The following NRG3 variants were observed in gnomAD, a reference collection of about 807,000 sequenced individuals.
NRG3 encodes the protein pro-neuregulin-3, membrane-bound isoform.
Under a neutral mutation model 66.9 loss-of-function variants are expected in NRG3, and 31 were observed. That is an observed-to-expected ratio of 0.46 (90% CI 0.35 to 0.63). The LOEUF is 0.63. NRG3 is among the 20% of genes least tolerant of loss of function. NRG3 has a pLI of 0.00. For missense variants in NRG3, 910 were observed against 878.9 expected (o/e 1.04, Z -0.45); for synonymous variants, 393 against 359.4 (o/e 1.09, Z -1.06).
chr10:82,156,843 A>T (rs2071225899), intron 1 of NRG3, among the ~76,000 whole-genome samples: 1 of 151,714 alleles, frequency 6.6e-6, no homozygotes, highest in Admixed American at 6.6e-5. Flanking sequence ...AAATAAGTTT[A>T]TGTTGAAAGT....
At chr10:82,866,432 A>C (rs372670600) in intron 4 of NRG3, among the ~76,000 whole-genome samples, 9 of 152,242 alleles carry the variant, frequency 5.9e-5, no homozygotes, top group African/African-American at 2.2e-4. Flanking sequence ...GTATTGTTGG[A>C]AGTGTTGAGA....
chr10:82,081,285 T>A (rs1259864467), intron 1 of NRG3, among the ~76,000 whole-genome samples: 1 of 152,202 alleles, frequency 6.6e-6, no homozygotes, highest in Non-Finnish European at 1.5e-5. Context: ...ATGATGGAAT[T>A]ATCTGTTGCA....
chr10:82,516,521 A>G (rs1322416354), intron 2 of NRG3, among the ~76,000 whole-genome samples: 1 of 152,140 alleles, frequency 6.6e-6, no homozygotes, highest in African/African-American at 2.4e-5. Context: ...ATGCATAATG[A>G]CCTTTTGGGT....
intron 2 of NRG3, among the ~76,000 whole-genome samples, chr10:82,729,506 C>T (rs1054236329): frequency 1.3e-5 from 2 of 152,120 alleles, no homozygotes; most frequent in Non-Finnish European, 2.9e-5. Flanking sequence ...TGATTCCTCC[C>T]ACATAGCTGC....
At chr10:82,489,082 T>C (rs1023282952) in intron 2 of NRG3, among the ~76,000 whole-genome samples, 2 of 152,164 alleles carry the variant, frequency 1.3e-5, no homozygotes, top group African/African-American at 2.4e-5. Flanking sequence ...CATATGAGAC[T>C]AGTATTGTAA....
chr10:82,919,604 AAC>A (rs1284898671), intron 4 of NRG3, among the ~76,000 whole-genome samples: 1 of 152,176 alleles, frequency 6.6e-6, no homozygotes, highest in Non-Finnish European at 1.5e-5. Flanking sequence ...CCTAGGAAAA[AAC>A]AGTGTCTGGA....
chr10:82,113,788 A>AT, intron 1 of NRG3, among the ~76,000 whole-genome samples: 1 of 152,304 alleles, frequency 6.6e-6, no homozygotes, highest in East Asian at 1.9e-4. Context: ...ACTCTGCAGT[A>AT]TATTTGCAAC....
At position 82,686,446 on chromosome 10, in the gene NRG3, C is replaced by A. The variant is rs181603955; in HGVS notation, c.954-52131C>A. ...CAGGTGATCCACCCACCTCAGCCCC[C>A]CAAAGTGCTGGGATTATAGGCACGA... On this transcript the variant is annotated intron_variant, in intron 2 of 8. Coordinates refer to ENST00000372141, the MANE Select transcript of NRG3 (RefSeq NM_001010848.4). Among the ~76,000 whole-genome samples, 123 of 152,256 alleles carry A rather than the reference C, an allele frequency of 8.1e-4. 2 individuals carry two copies. In the East Asian group the frequency reaches 0.011, roughly 14 times the overall value.
chr10:82,593,061 ACT>A (rs1363752235), intron 2 of NRG3, among the ~76,000 whole-genome samples: 6 of 151,986 alleles, frequency 3.9e-5, no homozygotes, highest in African/African-American at 1.5e-4. Context: ...TTAATTTCTC[ACT>A]CTCTTAGTTT....
At chr10:82,209,528 C>T (rs866482068) in intron 1 of NRG3, among the ~76,000 whole-genome samples, 11 of 152,034 alleles carry the variant, frequency 7.2e-5, no homozygotes, top group African/African-American at 2.4e-4. Context: ...TGTAACTGGG[C>T]AATCAGACAT....
chr10:82,013,911 A>G (rs1185449420), intron 1 of NRG3, among the ~76,000 whole-genome samples: 1 of 152,190 alleles, frequency 6.6e-6, no homozygotes, highest in Non-Finnish European at 1.5e-5. Context: ...ATGTTATATA[A>G]ATTAACAAAC....
rs747234191 is a variant in NRG3 at position 81,875,912 on chromosome 10, C to T, written c.572C>T (p.Ala191Val). The T allele has an allele frequency of 1.9e-6, 3 of 1,612,884 alleles. No individual in the cohort carries two copies. The African/African-American group carries it at 4.0e-5, about 22-fold the overall frequency. ...ACAGCACGGAACACTGCGGCCCCTGCGACGGTCCCGTCCACCACGGCCCCG... is the reference window on the plus strand; with the variant it reads ...ACAGCACGGAACACTGCGGCCCCTGTGACGGTCCCGTCCACCACGGCCCCG... ...STTARNTAAP[A>V]TVPSTTAPFF... Residue 191 changes from alanine to valine, a missense_variant, in exon 1 of 9, where the codon GCG becomes GTG. Physicochemically the swap from Ala to Val is moderately conservative, Grantham distance 64 (BLOSUM62 0). Transcript: ENST00000372141. This position sits in a 1 kb window ranked among gnomAD's most constrained non-coding sequence, Gnocchi z 5.3.
At chr10:82,247,220 A>G (rs1253235249) in intron 1 of NRG3, among the ~76,000 whole-genome samples, 1 of 152,186 alleles carries the variant, frequency 6.6e-6, no homozygotes, top group African/African-American at 2.4e-5. Context: ...GGTATATCTT[A>G]GTTAATTTGG....
At position 82,360,729 on chromosome 10, in the gene NRG3, A is replaced by G. The variant is rs2135604205; in HGVS notation, c.953+1861A>G. On this transcript the variant is annotated intron_variant, in intron 2 of 8. Transcript: ENST00000372141. ...CACAGTCCCGGAGGTCAGAATTCCAAGATCAAGGTGTCAGCAGAGTTGATT... is the reference window on the plus strand; with the variant it reads ...CACAGTCCCGGAGGTCAGAATTCCAGGATCAAGGTGTCAGCAGAGTTGATT... Among the ~76,000 whole-genome samples the G allele has an allele frequency of 2.0e-5, 3 of 152,332 alleles. No individual in the cohort carries two copies. In the South Asian group the frequency reaches 6.2e-4, roughly 32 times the overall value.
Position 82,198,298 on chromosome 10 carries a change from T to G in NRG3, c.824-160441T>G, listed in dbSNP as rs12570020. ...GCAGATCAAATAAAGGACAGTTTTGTTTTTGTTTTGTTTTGTTTTGTTATT... is the reference window on the plus strand; with the variant it reads ...GCAGATCAAATAAAGGACAGTTTTGGTTTTGTTTTGTTTTGTTTTGTTATT... On this transcript the variant is annotated intron_variant, in intron 1 of 8. Coordinates refer to ENST00000372141, the MANE Select transcript of NRG3 (RefSeq NM_001010848.4). 6.8e-3 allele frequency among the ~76,000 whole-genome samples: 1,026 copies of G among 151,154 alleles called. 36 individuals are homozygous for G. Among genetic ancestry groups the G allele is most frequent in the East Asian group, 0.053 (273 of 5,104 alleles).
intron 4 of NRG3, among the ~76,000 whole-genome samples, chr10:82,908,439 G>C (rs1387127668): frequency 1.3e-5 from 2 of 152,186 alleles, no homozygotes; most frequent in African/African-American, 4.8e-5. Context: ...ACTGAGACCT[G>C]CCAAGTTCTG....
At chr10:82,332,056 G>A (rs1054518172) in intron 1 of NRG3, among the ~76,000 whole-genome samples, 2 of 152,074 alleles carry the variant, frequency 1.3e-5, no homozygotes, top group South Asian at 2.1e-4. Flanking sequence ...TGGATTTATC[G>A]GAACCATGGT....
At chr10:82,812,264 A>C (rs1399066979) in intron 3 of NRG3, among the ~76,000 whole-genome samples, 1 of 152,154 alleles carries the variant, frequency 6.6e-6, no homozygotes. Context: ...TTGAGAAGCA[A>C]GGCACCTAGA....
At chr10:82,732,672 G>A (rs561487837) in intron 2 of NRG3, among the ~76,000 whole-genome samples, 2 of 152,164 alleles carry the variant, frequency 1.3e-5, no homozygotes, top group African/African-American at 4.8e-5. Flanking sequence ...CACAGGTATT[G>A]TATCATTTAC....
Sources: gnomAD v4.1 joint callset for allele counts (sites outside exome capture counted in the v4.1 genomes callset) on GRCh38, gnomAD v4.1.1 for gene constraint, Gnocchi (gnomAD v3.1) non-coding constraint, MANE v1.5 for transcripts, NCBI Gene and HGNC (gene_info 2026-07-23, HGNC 2026-07-21) for gene names.